Variants in GPC5 observed in about 807,000 individuals in gnomAD.
GPC5 encodes glypican-5.
In GPC5, 47 loss-of-function variants were observed where a neutral mutation model predicts 53.9. The observed-to-expected ratio is 0.87, with a 90% CI of 0.69 to 1.11. The LOEUF (loss-of-function observed/expected upper bound fraction) is 1.11, where lower values mean the gene tolerates loss of function less well. Among genes scored for constraint, GPC5 ranks in the 50% most tolerant of loss-of-function variants. GPC5 has a pLI of 0.00. For synonymous variants in GPC5, 286 were observed against 263.3 expected (o/e 1.09, Z -0.84); for missense variants, 748 against 713.1 (o/e 1.05, Z -0.56).
At chr13:91,422,498 T>A (rs1229036217) in intron 1 of GPC5, among the ~76,000 whole-genome samples, 1 of 151,896 alleles carries the variant, frequency 6.6e-6, no homozygotes, top group Non-Finnish European at 1.5e-5. Context: ...TAACCAGGCA[T>A]GGTAGTAGGT....
At chr13:92,377,589 A>G (rs1314114879) in intron 7 of GPC5, among the ~76,000 whole-genome samples, 1 of 152,228 alleles carries the variant, frequency 6.6e-6, no homozygotes, top group Non-Finnish European at 1.5e-5. Flanking sequence ...AATTGCTAGA[A>G]TATGCTAGCC....
At chr13:92,143,915 A>G (rs1241277954) in intron 6 of GPC5, among the ~76,000 whole-genome samples, 2 of 152,096 alleles carry the variant, frequency 1.3e-5, no homozygotes, top group Non-Finnish European at 2.9e-5. Context: ...AATTTAAATG[A>G]CCACTAAGTG....
rs373229666 is a variant in GPC5, at chr13:91,649,320, A to C, written c.326-43867A>C. Among the ~76,000 whole-genome samples, 165 of 152,292 alleles carry C rather than the reference A, an allele frequency of 1.1e-3. 4 individuals are homozygous for C. The South Asian group carries it at 0.033, about 30-fold the overall frequency. On this transcript the variant is annotated intron_variant, in intron 2 of 7. Transcript: ENST00000377067. ...GTGACATCTTTCTCTGTTCTGTACC[A>C]TCCTCTACATTGGATATACCACATT...
chr13:92,203,738 T>C (rs373557424), intron 7 of GPC5, among the ~76,000 whole-genome samples: 1 of 134,950 alleles, frequency 7.4e-6, no homozygotes, highest in East Asian at 2.0e-4. Flanking sequence ...TGACTTTAAC[T>C]TCCAAAAACT....
chr13:92,408,398 T>C (rs1875885231), intron 7 of GPC5, among the ~76,000 whole-genome samples: 1 of 152,188 alleles, frequency 6.6e-6, no homozygotes, highest in Non-Finnish European at 1.5e-5. Flanking sequence ...GCTTGTTATA[T>C]TGAGACAATA....
intron 7 of GPC5, among the ~76,000 whole-genome samples, chr13:92,810,548 T>C (rs1877256502): frequency 1.3e-5 from 2 of 151,820 alleles, no homozygotes; most frequent in Non-Finnish European, 2.9e-5. Context: ...CAAACCATTT[T>C]TTACTGTCCC....
chr13:91,771,726 G>A (rs760351088), intron 5 of GPC5, among the ~76,000 whole-genome samples: 46 of 151,688 alleles, frequency 3.0e-4, no homozygotes, highest in Admixed American at 1.1e-3. Flanking sequence ...GTTGTTTTCC[G>A]AAAAAGGAAA....
intron 6 of GPC5, among the ~76,000 whole-genome samples, chr13:92,102,742 G>A (rs941166065): frequency 5.3e-5 from 8 of 152,176 alleles, no homozygotes; most frequent in Non-Finnish European, 1.2e-4. Flanking sequence ...ATATGTAGAT[G>A]TTAGTGTAGG....
chr13:91,542,208 T>A (rs1594229980), intron 2 of GPC5, among the ~76,000 whole-genome samples: 1 of 149,678 alleles, frequency 6.7e-6, no homozygotes, highest in African/African-American at 2.6e-5. Context: ...TCACTTTATG[T>A]ATCAAAATTA....
At chr13:91,570,761 T>A (rs2031745196) in intron 2 of GPC5, among the ~76,000 whole-genome samples, 1 of 152,186 alleles carries the variant, frequency 6.6e-6, no homozygotes, top group Admixed American at 6.6e-5. Context: ...ATTTCCAAAC[T>A]CATCAACCAA....
At chr13:92,050,580 G>A (rs924272789) in intron 6 of GPC5, among the ~76,000 whole-genome samples, 22 of 152,196 alleles carry the variant, frequency 1.4e-4, no homozygotes, top group African/African-American at 5.3e-4. Flanking sequence ...TGTGTCTGGA[G>A]ACAGCAGTGG....
At chr13:91,970,606 T>A (rs1407147961) in intron 6 of GPC5, among the ~76,000 whole-genome samples, 8 of 151,960 alleles carry the variant, frequency 5.3e-5, no homozygotes, top group African/African-American at 1.9e-4. Flanking sequence ...AGAAAAAAAA[T>A]GAGGAGTAAT....
chr13:91,565,911 G>A (rs560986551), intron 2 of GPC5, among the ~76,000 whole-genome samples: 8 of 152,168 alleles, frequency 5.3e-5, no homozygotes, highest in African/African-American at 1.9e-4. Flanking sequence ...CGTGGCTGGT[G>A]GCACTTTTTG....
At chr13:91,689,259 T>C (rs192561240) in intron 2 of GPC5, among the ~76,000 whole-genome samples, 2,185 of 140,308 alleles carry the variant, frequency 0.016, 72 homozygotes, top group African/African-American at 0.054. Flanking sequence ...TATAAATTTT[T>C]TTTAAAAAAG....
chr13:92,743,938 G>A (rs560813620), intron 7 of GPC5, among the ~76,000 whole-genome samples: 3 of 152,164 alleles, frequency 2.0e-5, no homozygotes, highest in African/African-American at 7.2e-5. Context: ...TAAGGAGAGA[G>A]CTTTAAACAG....
chr13:92,525,608 A>T (rs1173058682), intron 7 of GPC5, among the ~76,000 whole-genome samples: 1 of 152,046 alleles, frequency 6.6e-6, no homozygotes, highest in Non-Finnish European at 1.5e-5. Flanking sequence ...AAATCATAAT[A>T]GAGATTCCAC....
intron 7 of GPC5, among the ~76,000 whole-genome samples, chr13:92,283,380 C>T (rs988860989): frequency 1.3e-5 from 2 of 152,152 alleles, no homozygotes; most frequent in Non-Finnish European, 2.9e-5. Flanking sequence ...CTCAGCTCTG[C>T]ACCAAGGGGA....
chr13:92,731,644 G>A (rs1888808303), intron 7 of GPC5, among the ~76,000 whole-genome samples: 1 of 151,268 alleles, frequency 6.6e-6, no homozygotes, highest in African/African-American at 2.4e-5. Context: ...TACTTAAATT[G>A]AGAGTAAATC....
chr13:92,857,225 C>A (rs1162098271), intron 7 of GPC5, among the ~76,000 whole-genome samples: 1 of 152,090 alleles, frequency 6.6e-6, no homozygotes, highest in Non-Finnish European at 1.5e-5. Flanking sequence ...GGAACAGACT[C>A]CCTATTCAAT....
Sources: allele counts gnomAD v4.1 joint callset (sites outside exome capture counted in the v4.1 genomes callset), GRCh38; gene constraint gnomAD v4.1.1; transcripts MANE v1.5; gene names NCBI Gene and HGNC (gene_info 2026-07-23, HGNC 2026-07-21).